SEMA6A: variants seen among roughly 807,000 people sequenced by gnomAD.
The protein encoded by SEMA6A is semaphorin-6A.
A neutral mutation model predicts 96.8 loss-of-function variants in SEMA6A; 25 were observed. The ratio of observed to expected loss-of-function variants is 0.26; its 90% CI spans 0.19 to 0.36. The LOEUF (loss-of-function observed/expected upper bound fraction) is 0.36, where lower values mean the gene tolerates loss of function less well. Ranked by LOEUF, SEMA6A falls within the 10% of genes least tolerant of loss-of-function variation. The probability of loss-of-function intolerance (pLI) is 1.00; values close to 1 mark genes in which losing one functional copy is unlikely to be tolerated. For synonymous variants in SEMA6A, 612 were observed against 518.0 expected, an observed-to-expected ratio of 1.18 and a Z score of -2.46; for missense variants, 1,363 against 1,323.1, an observed-to-expected ratio of 1.03 and a Z score of -0.47.
intron 3 of SEMA6A, among the ~76,000 whole-genome samples, chr5:116,500,704 G>C (rs1757835813): frequency 6.6e-6 from 1 of 152,010 alleles, no homozygotes; most frequent in African/African-American, 2.4e-5. Flanking sequence ...ATGCCAGATA[G>C]AAACGATCTC....
intron 1 of SEMA6A, among the ~76,000 whole-genome samples, chr5:116,519,336 C>CAAA (rs1452888863): frequency 1.3e-5 from 2 of 152,142 alleles, no homozygotes; most frequent in Non-Finnish European, 2.9e-5. Flanking sequence ...TTGTACACCA[C>CAAA]AGGGTACTTT....
intron 1 of SEMA6A, among the ~76,000 whole-genome samples, chr5:116,548,332 C>T (rs1344476642): frequency 6.6e-6 from 1 of 152,140 alleles, no homozygotes; most frequent in Non-Finnish European, 1.5e-5. Context: ...CAGTGAACAT[C>T]ACATTTCTCA....
chr5:116,474,322 G>C (rs1756339930), intron 16 of SEMA6A, among the ~76,000 whole-genome samples: 1 of 140,516 alleles, frequency 7.1e-6, no homozygotes, highest in Non-Finnish European at 1.6e-5. Flanking sequence ...CTTAAAACCT[G>C]TTTCCTTGCA....
chr5:116,504,712 AG>A (rs1285857854), intron 2 of SEMA6A, 132 bp downstream of exon 2: 14 of 641,778 alleles, frequency 2.2e-5, no homozygotes, highest in African/African-American at 1.8e-4. Flanking sequence ...GACTTGAATT[AG>A]CCACCTTTGC....
rs1328360850 is a variant in SEMA6A, at chr5:116,445,188, G to T, written c.*1425C>A. 3.3e-5 allele frequency: 5 copies of T among 152,662 alleles called. No individual in the cohort carries two copies. Among genetic ancestry groups the T allele is most frequent in the Non-Finnish European group, 1.5e-5 (1 of 68,050 alleles). 9.5% of individuals were successfully genotyped at this position (152,662 alleles called of 1,614,324 possible). A position where few individuals can be genotyped will look rare whatever the true frequency, so the allele number is the denominator to read the frequency against. ...CTGCTTGACTCCAATCTTTCAGAGGGCTGGAAGTGGGGCAGAGGGTGGGGA... is the reference window on the plus strand; with the variant it reads ...CTGCTTGACTCCAATCTTTCAGAGGTCTGGAAGTGGGGCAGAGGGTGGGGA... On this transcript the variant is annotated 3_prime_UTR_variant, in exon 19 of 19. Coordinates refer to ENST00000343348, the MANE Select transcript of SEMA6A (RefSeq NM_020796.5).
intron 1 of SEMA6A, among the ~76,000 whole-genome samples, chr5:116,548,592 T>C (rs908489059): frequency 1.3e-5 from 2 of 152,214 alleles, no homozygotes; most frequent in African/African-American, 2.4e-5. Flanking sequence ...TTCATTGATA[T>C]AGCTTCTTCA....
intron 16 of SEMA6A, among the ~76,000 whole-genome samples, chr5:116,474,147 C>T (rs10452531): frequency 1.9e-3 from 279 of 149,034 alleles, no homozygotes; most frequent in African/African-American, 6.4e-3. Context: ...ACATGTTTCA[C>T]GTATTTTCTG....
At chr5:116,531,251 T>C (rs944839231) in intron 1 of SEMA6A, among the ~76,000 whole-genome samples, 3 of 152,080 alleles carry the variant, frequency 2.0e-5, no homozygotes, top group Non-Finnish European at 4.4e-5. Context: ...TAAAGTTTTT[T>C]TAAAAAATGC....
At chr5:116,460,493 T>C (rs1369622131) in intron 18 of SEMA6A, among the ~76,000 whole-genome samples, 3 of 152,166 alleles carry the variant, frequency 2.0e-5, no homozygotes, top group African/African-American at 4.8e-5. Context: ...TTCTATAGAA[T>C]TGTCAGGTAG....
chr5:116,491,129 G>C (rs764872305), intron 7 of SEMA6A, among the ~76,000 whole-genome samples: 4 of 152,166 alleles, frequency 2.6e-5, no homozygotes, highest in Non-Finnish European at 2.9e-5. Flanking sequence ...GAAGATGTTT[G>C]TTGGAAGCTT....
At chr5:116,559,537 G>GC (rs1187893956) in intron 1 of SEMA6A, among the ~76,000 whole-genome samples, 1 of 152,048 alleles carries the variant, frequency 6.6e-6, no homozygotes, top group Non-Finnish European at 1.5e-5. Context: ...TTACAACAGC[G>GC]CGTTACTCCA....
chr5:116,535,083 G>A (rs1382884795), intron 1 of SEMA6A, among the ~76,000 whole-genome samples: 1 of 152,242 alleles, frequency 6.6e-6, no homozygotes. Flanking sequence ...CAAACATTGT[G>A]TTGGGAGCAG....
intron 11 of SEMA6A, 102 bp from the exon 12 acceptor site, chr5:116,480,379 T>G: frequency 7.3e-7 from 1 of 1,378,024 alleles, no homozygotes; most frequent in African/African-American, 1.4e-5. Flanking sequence ...TGGAGGAGAA[T>G]GTACTGCAGC....
rs781718274 is a variant in SEMA6A, at chr5:116,447,309, A to G, written c.2397T>C (p.Ile799=). 2 of 1,613,668 alleles carry G rather than the reference A, an allele frequency of 1.2e-6. No individual in the cohort carries two copies. The highest frequency in any genetic ancestry group is 2.7e-5 in the African/African-American group (2 of 74,954). ...KDMPPMGSPV[I]PTDLPLRASP... ...AGGCCCGCAGGGGCAGGTCCGTGGG[A>G]ATCACAGGGGAGCCCATGGGGGGCA... Residue 799 remains isoleucine, a synonymous_variant, in exon 19 of 19, where the codon ATT becomes ATC. Coordinates refer to ENST00000343348, the MANE Select transcript of SEMA6A (RefSeq NM_020796.5).
intron 1 of SEMA6A, among the ~76,000 whole-genome samples, chr5:116,537,153 A>G (rs539267056): frequency 6.6e-6 from 1 of 152,328 alleles, no homozygotes; most frequent in South Asian, 2.1e-4. Context: ...GCATGCACAC[A>G]TAGAGACCCA....
At chr5:116,476,984 T>C (rs750313997) in intron 15 of SEMA6A, among the ~76,000 whole-genome samples, 24 of 152,182 alleles carry the variant, frequency 1.6e-4, no homozygotes, top group Non-Finnish European at 3.1e-4. Context: ...TCTGTTTGTT[T>C]AGCTATTCTG....
intron 1 of SEMA6A, among the ~76,000 whole-genome samples, chr5:116,560,203 A>T (rs535607960): frequency 6.5e-4 from 99 of 151,426 alleles, no homozygotes; most frequent in African/African-American, 2.4e-3. Context: ...GCCCAGCCTG[A>T]CCTCCCAGCT....
chr5:116,447,990 T>C (rs1239953712), intron 18 of SEMA6A, among the ~76,000 whole-genome samples, 179 bp from the exon 19 acceptor site: 3 of 151,974 alleles, frequency 2.0e-5, no homozygotes, highest in Non-Finnish European at 4.4e-5. Context: ...AAGCCCCTCG[T>C]GTGCAGTATG....
At chr5:116,465,819 T>A (rs1349946964) in intron 18 of SEMA6A, among the ~76,000 whole-genome samples, 4 of 152,134 alleles carry the variant, frequency 2.6e-5, no homozygotes, top group African/African-American at 9.7e-5. Context: ...AAAGGCTGTT[T>A]TATTTTGTTT....
Sources: allele counts gnomAD v4.1 joint callset (sites outside exome capture counted in the v4.1 genomes callset), GRCh38; gene constraint gnomAD v4.1.1; transcripts MANE v1.5; gene names NCBI Gene and HGNC (gene_info 2026-07-23, HGNC 2026-07-21).